TLE4: variants seen among roughly 807,000 people sequenced by gnomAD.
TLE4 encodes TLE family member 4, transcriptional corepressor, also known as transducin-like enhancer protein 4.
A neutral mutation model predicts 92.8 loss-of-function variants in TLE4; 8 were observed. The ratio of observed to expected loss-of-function variants is 0.09; its 90% confidence interval spans 0.05 to 0.16. The LOEUF (loss-of-function observed/expected upper bound fraction) is 0.16. Ranked by LOEUF, TLE4 falls within the 10% of genes least tolerant of loss-of-function variation. The probability of loss-of-function intolerance (pLI) is 1.00; values close to 1 mark genes in which losing one functional copy is unlikely to be tolerated. For missense variants in TLE4, 675 were observed against 997.6 expected (o/e 0.68, Z 4.36); for synonymous variants, 371 against 374.1 (o/e 0.99, Z 0.10).
chr9:79,718,040 C>T (rs1449555975), intron 14 of TLE4: 2 of 456,504 alleles, frequency 4.4e-6, no homozygotes, highest in Non-Finnish European at 8.8e-6. Context: ...TGGAAATGAA[C>T]TGGAGATGGA....
chr9:79,598,352 T>C (rs543777626), intron 4 of TLE4, among the ~76,000 whole-genome samples: 2 of 152,138 alleles, frequency 1.3e-5, no homozygotes, highest in South Asian at 4.1e-4. Flanking sequence ...CTAGGTTCTT[T>C]TGGATCTACT....
intron 5 of TLE4, among the ~76,000 whole-genome samples, chr9:79,621,505 A>G (rs948075812): frequency 8.5e-5 from 13 of 152,186 alleles, no homozygotes; most frequent in Non-Finnish European, 4.4e-5. Flanking sequence ...TCAACTTAGT[A>G]TTAGGGCTCA....
chr9:79,626,285 A>G (rs1264377875), intron 5 of TLE4, among the ~76,000 whole-genome samples: 1 of 152,208 alleles, frequency 6.6e-6, no homozygotes, highest in Non-Finnish European at 1.5e-5. Flanking sequence ...AGCTCTTTGT[A>G]TTATTAAGCA....
At chr9:79,655,446 A>T (rs1270261657) in intron 8 of TLE4, among the ~76,000 whole-genome samples, 2 of 151,546 alleles carry the variant, frequency 1.3e-5, no homozygotes, top group African/African-American at 4.8e-5. Context: ...AATTAAAGGA[A>T]TTTTTTTTTC....
intron 14 of TLE4, among the ~76,000 whole-genome samples, chr9:79,712,257 C>T (rs1292303687): frequency 6.6e-6 from 1 of 151,940 alleles, no homozygotes; most frequent in Non-Finnish European, 1.5e-5. Context: ...CAGAAGTGAC[C>T]CAAGAAGATG....
chr9:79,697,608 G>T (rs773898797), intron 8 of TLE4, among the ~76,000 whole-genome samples: 1 of 151,962 alleles, frequency 6.6e-6, no homozygotes, highest in Non-Finnish European at 1.5e-5. Context: ...AATTTCTGGG[G>T]TGGAGCCAAT....
intron 2 of TLE4, chr9:79,574,006 A>G (rs1348929034): frequency 2.9e-6 from 1 of 341,688 alleles, no homozygotes; most frequent in Non-Finnish European, 5.3e-6. Context: ...AGGCAGAACA[A>G]TCGAAACTGG....
intron 6 of TLE4, chr9:79,649,796 C>T (rs771774673): frequency 8.8e-6 from 12 of 1,362,150 alleles, no homozygotes; most frequent in East Asian, 4.5e-5. Context: ...AACGATGAGT[C>T]GGTGCTTATT....
intron 5 of TLE4, among the ~76,000 whole-genome samples, chr9:79,615,509 T>C (rs2086238613): frequency 6.6e-6 from 1 of 152,210 alleles, no homozygotes; most frequent in African/African-American, 2.4e-5. Context: ...GTCAGGCTTT[T>C]TGGAGTTTGA....
intron 2 of TLE4, chr9:79,574,083 T>A (rs2036881204): frequency 9.0e-6 from 2 of 221,040 alleles, no homozygotes; most frequent in Non-Finnish European, 1.8e-5. Flanking sequence ...GAATGAAAGG[T>A]TGGGAAGATT....
At chr9:79,677,463 C>T (rs3902070) in intron 8 of TLE4, among the ~76,000 whole-genome samples, 138,748 of 152,104 alleles carry the variant, frequency 0.91, 63,448 homozygotes, top group African/African-American at 0.98. Context: ...AGATTTCCTT[C>T]TCTTTTTCTT....
intron 6 of TLE4, among the ~76,000 whole-genome samples, chr9:79,635,513 A>G (rs2055518100): frequency 6.7e-6 from 1 of 149,906 alleles, no homozygotes; most frequent in African/African-American, 2.5e-5. Flanking sequence ...GAAGTTTTAC[A>G]TTTAGGTCTA....
intron 4 of TLE4, among the ~76,000 whole-genome samples, chr9:79,584,045 C>T (rs2040419138): frequency 6.6e-6 from 1 of 152,172 alleles, no homozygotes; most frequent in Non-Finnish European, 1.5e-5. Context: ...GGTGGAGATA[C>T]CAGAGTTCAC....
intron 4 of TLE4, among the ~76,000 whole-genome samples, chr9:79,603,263 C>T (rs914498434): frequency 1.3e-5 from 2 of 152,122 alleles, no homozygotes; most frequent in Non-Finnish European, 2.9e-5. Context: ...GAGTAAAATG[C>T]TGTCAAACAG....
At chr9:79,644,316 T>G (rs2057725755) in intron 6 of TLE4, among the ~76,000 whole-genome samples, 1 of 152,134 alleles carries the variant, frequency 6.6e-6, no homozygotes. Context: ...CGTGCTTAAC[T>G]GTGAGTCAAT....
At chr9:79,685,773 T>A (rs919569287) in intron 8 of TLE4, among the ~76,000 whole-genome samples, 2 of 152,198 alleles carry the variant, frequency 1.3e-5, no homozygotes, top group African/African-American at 4.8e-5. Context: ...AGTGCATGAT[T>A]TTTGTTTTTT....
intron 6 of TLE4, among the ~76,000 whole-genome samples, chr9:79,639,327 A>G (rs766142293): frequency 6.6e-6 from 1 of 152,216 alleles, no homozygotes; most frequent in Non-Finnish European, 1.5e-5. Flanking sequence ...ATATATAGTT[A>G]CATGCCATAT....
chr9:79,592,186 T>TTCC (rs1427636454), intron 4 of TLE4, among the ~76,000 whole-genome samples: 1,217 of 92,168 alleles, frequency 0.013, 14 homozygotes, highest in African/African-American at 0.04. Context: ...CCTCTTCCTC[T>TTCC]TCTTCTTCTT....
intron 4 of TLE4, among the ~76,000 whole-genome samples, chr9:79,598,228 GAC>G (rs2044577271): frequency 7.2e-6 from 1 of 139,006 alleles, no homozygotes; most frequent in South Asian, 2.3e-4. Flanking sequence ...CAGCCTGGGT[GAC>G]AGAGCAAGAC....
Sources: gnomAD v4.1 joint callset for allele counts (sites outside exome capture counted in the v4.1 genomes callset) on GRCh38, gnomAD v4.1.1 for gene constraint, MANE v1.5 for transcripts, NCBI Gene and HGNC (gene_info 2026-07-23, HGNC 2026-07-21) for gene names.